Variants in CIT observed in about 807,000 individuals in gnomAD.
CIT encodes the protein citron Rho-interacting kinase.
A neutral mutation model predicts 272.7 loss-of-function variants in CIT; 79 were observed. That is an observed-to-expected ratio of 0.29 (90% CI 0.24 to 0.35). The LOEUF (loss-of-function observed/expected upper bound fraction) is 0.35. CIT is among the 10% of genes least tolerant of loss of function. The probability of loss-of-function intolerance (pLI) is 1.00; values close to 1 mark genes in which losing one functional copy is unlikely to be tolerated. For missense variants in CIT, 1,909 were observed against 2,618.3 expected (o/e 0.73, Z 5.91); for synonymous variants, 948 against 995.6 (o/e 0.95, Z 0.90).
In CIT at chr12:119,752,134, C is replaced by T. The variant is rs557478027; in HGVS notation, c.2820G>A (p.Ala940=). The part of the protein sequence containing the change: ...SQLTALQAAR[A]ALESQLRQAK... ...CCTGGCGAAGCTGGCTCTCCAGGGC[C>T]GCCCGTGCAGCCTGCAGGGCTGTCA... Residue 940 remains alanine (A), a synonymous_variant, in exon 23 of 48, where the codon GCG becomes GCA. Transcript: ENST00000392521. The T allele has an allele frequency of 6.1e-5, 98 of 1,613,028 alleles. No individual in the cohort carries two copies. In the East Asian group the frequency reaches 8.7e-4, roughly 14 times the overall value.
At chr12:119,872,868 CT>C (rs1231173091) in intron 2 of CIT, among the ~76,000 whole-genome samples, 2 of 152,190 alleles carry the variant, frequency 1.3e-5, no homozygotes, top group African/African-American at 4.8e-5. Flanking sequence ...GCAATCTCAA[CT>C]CACTACAACC....
chr12:119,734,433 T>C (rs1198965170), intron 25 of CIT, 76 bp from the exon 26 acceptor site: 1 of 1,482,672 alleles, frequency 6.7e-7, no homozygotes, highest in Non-Finnish European at 9.3e-7. Context: ...TCGGGTCAGT[T>C]TCAGAAAAGC....
intron 8 of CIT, among the ~76,000 whole-genome samples, chr12:119,824,240 C>T (rs1377792036): frequency 6.6e-6 from 1 of 151,024 alleles, no homozygotes; most frequent in Non-Finnish European, 1.5e-5. Flanking sequence ...AGGAGTATAT[C>T]GAAAAATCAA....
chr12:119,718,324 C>T lies in CIT; in HGVS notation c.4089G>A (p.Arg1363=), dbSNP rs1439094984. The T allele has an allele frequency of 1.9e-6, 3 of 1,613,906 alleles. No homozygotes were observed. The highest frequency in any genetic ancestry group is 1.3e-5 in the African/African-American group (1 of 74,920). ...TGGCACTGGGCTGGTGCTCTGGCGA[C>T]CGCACGATGGCGGACATGGCGATCT... ...RQQIAMSAIV[R]SPEHQPSAMS... Residue 1363 remains arginine, a synonymous_variant, in exon 32 of 48, where the codon CGG becomes CGA. Coordinates refer to ENST00000392521, the MANE Select transcript of CIT (RefSeq NM_001206999.2). The surrounding 1 kb of genome is among the most constrained non-coding windows in gnomAD (Gnocchi z 4.8).
At chr12:119,762,828 C>T (rs77403712) in intron 19 of CIT, among the ~76,000 whole-genome samples, 2,456 of 152,168 alleles carry the variant, frequency 0.016, 72 homozygotes, top group African/African-American at 0.057. Flanking sequence ...CGCTTGGGGA[C>T]AGAAGTTTGA....
chr12:119,815,389 C>T (rs571683380), intron 9 of CIT, among the ~76,000 whole-genome samples: 42 of 151,994 alleles, frequency 2.8e-4, no homozygotes, highest in African/African-American at 8.9e-4. Context: ...TTCAATGATG[C>T]GGGAAAATAA....
At chr12:119,709,787 AGTGTGTGTGTGTGTGTGTGTGT>A (rs150206566) in intron 39 of CIT, among the ~76,000 whole-genome samples, 1,485 of 107,692 alleles carry the variant, frequency 0.014, 41 homozygotes, top group African/African-American at 0.048. Context: ...AGAGAGAGAG[AGTGTGTGTGTGTGTGTGTGTGT>A]GTGTGTGTGT....
intron 40 of CIT, among the ~76,000 whole-genome samples, chr12:119,707,691 A>G (rs61234930): frequency 0.11 from 16,415 of 152,090 alleles, 2,461 homozygotes; most frequent in African/African-American, 0.34. Flanking sequence ...TAGTAGAGAC[A>G]GGGTTTCACC....
rs771451492 is a variant in CIT, at chr12:119,757,479, C to G, written c.2598G>C (p.Gly866=). 2.5e-6 allele frequency: 4 copies of G among 1,614,078 alleles called. No individual in the cohort carries two copies. Among genetic ancestry groups the G allele is most frequent in the Non-Finnish European group, 3.4e-6 (4 of 1,180,056 alleles). Residue 866 remains glycine, a synonymous_variant, in exon 22 of 48, where the codon GGG becomes GGC. Transcript: ENST00000392521. ...QQKFYLETQA[G]KLEAQNRKLE... is the part of the protein sequence containing the mutation. The stretch of plus-strand genomic sequence containing the variant: ...GTTTTCGGTTCTGGGCCTCCAACTT[C>G]CCAGCCTGTGTCTCCAGGTAAAATT...
chr12:119,812,339 C>T (rs1026310264), intron 9 of CIT, among the ~76,000 whole-genome samples: 4 of 152,160 alleles, frequency 2.6e-5, no homozygotes, highest in South Asian at 2.1e-4. Context: ...CAGCACCTTC[C>T]GCCATGAATT....
At chr12:119,726,459 T>C (rs2936831) in intron 28 of CIT, among the ~76,000 whole-genome samples, 86,137 of 145,796 alleles carry the variant, frequency 0.59, 25,844 homozygotes, top group African/African-American at 0.67. Context: ...CTCAAACTCT[T>C]GGCCTCAAGC....
chr12:119,757,691 C>T (rs1961194621), intron 21 of CIT, 146 bp from the exon 22 acceptor site: 4 of 1,018,516 alleles, frequency 3.9e-6, no homozygotes, highest in Admixed American at 5.2e-5. Context: ...GTCTCCTGAT[C>T]TGGCCTCATA....
intron 19 of CIT, among the ~76,000 whole-genome samples, chr12:119,764,976 T>C (rs1286456707): frequency 6.6e-6 from 1 of 151,790 alleles, no homozygotes. Flanking sequence ...CTGGCTAATT[T>C]TTTTGTATTT....
At chr12:119,778,480 C>T (rs1963990059) in intron 13 of CIT, among the ~76,000 whole-genome samples, 1 of 152,140 alleles carries the variant, frequency 6.6e-6, no homozygotes, top group Non-Finnish European at 1.5e-5. Flanking sequence ...TATTCAGTAA[C>T]ATCTCTGAGA....
At chr12:119,840,043 G>A (rs1004210539) in intron 5 of CIT, among the ~76,000 whole-genome samples, 16 of 152,214 alleles carry the variant, frequency 1.1e-4, no homozygotes, top group Non-Finnish European at 1.6e-4. Context: ...TTGGCCAAGT[G>A]CAGTGGCTCA....
chr12:119,791,898 T>C (rs576748053), intron 10 of CIT, among the ~76,000 whole-genome samples: 185 of 152,334 alleles, frequency 1.2e-3, no homozygotes, highest in African/African-American at 4.0e-3. Context: ...CAGGAAGACA[T>C]GTTTTCTTAA....
chr12:119,872,210 C>A (rs1950700366), intron 2 of CIT, among the ~76,000 whole-genome samples: 1 of 151,854 alleles, frequency 6.6e-6, no homozygotes. Context: ...AATAATAGGT[C>A]TTTCTTTTTA....
intron 25 of CIT, 195 bp from the exon 26 acceptor site, chr12:119,734,552 G>A: frequency 1.6e-6 from 1 of 629,742 alleles, no homozygotes; most frequent in Non-Finnish European, 2.8e-6. Context: ...CTTAGAGGCA[G>A]GATCCAAAGC....
intron 5 of CIT, among the ~76,000 whole-genome samples, chr12:119,838,911 G>C (rs931196303): frequency 6.6e-6 from 1 of 152,188 alleles, no homozygotes; most frequent in African/African-American, 2.4e-5. Context: ...GGGCACAGGA[G>C]GAGGAAAGAG....
Sources: allele counts gnomAD v4.1 joint callset (sites outside exome capture counted in the v4.1 genomes callset), GRCh38; gene constraint gnomAD v4.1.1; non-coding constraint Gnocchi (gnomAD v3.1); transcripts MANE v1.5; gene names NCBI Gene and HGNC (gene_info 2026-07-23, HGNC 2026-07-21).